Variants in MPRIP observed in about 807,000 individuals in gnomAD.
The protein encoded by MPRIP is myosin phosphatase Rho-interacting protein.
A neutral mutation model predicts 234.9 loss-of-function variants in MPRIP; 59 were observed. The observed-to-expected ratio is 0.25, with a 90% CI of 0.20 to 0.31. The LOEUF (loss-of-function observed/expected upper bound fraction) is 0.31, where lower values mean the gene tolerates loss of function less well. Among genes scored for constraint, MPRIP ranks in the 10% least tolerant of loss-of-function variants. MPRIP has a pLI of 1.00. For missense variants in MPRIP, 2,436 were observed against 3,071.0 expected, an observed-to-expected ratio of 0.79 and a Z score of 4.89; for synonymous variants, 1,144 against 1,263.9, an observed-to-expected ratio of 0.91 and a Z score of 2.01.
intron 3 of MPRIP, among the ~76,000 whole-genome samples, chr17:17,103,310 C>T (rs2090000071): frequency 6.6e-6 from 1 of 152,210 alleles, no homozygotes; most frequent in South Asian, 2.1e-4. Context: ...CTGGCCCTGT[C>T]CCCAGCCATG....
rs531172991 is a variant in MPRIP at position 17,172,986 on chromosome 17, C to T, written c.6590+171C>T. Among the ~76,000 whole-genome samples the T allele has an allele frequency of 1.0e-3, 159 of 152,370 alleles. 6 individuals are homozygous for T. The South Asian group carries it at 0.031, about 30-fold the overall frequency. ...CTCTTGTCCAGTGCAGGATATGGCC[C>T]AAGTGGGGCCTCCTTTATTCAGAGA... On this transcript the variant is annotated intron_variant, in intron 18 of 23. Coordinates refer to ENST00000651222, the MANE Select transcript of MPRIP (RefSeq NM_001364716.4).
intron 7 of MPRIP, 50 bp from the exon 8 acceptor site, chr17:17,142,577 C>G: frequency 6.3e-7 from 1 of 1,599,228 alleles, no homozygotes; most frequent in Non-Finnish European, 8.5e-7. Context: ...TCACTGCCAC[C>G]TCACAGCTCA....
At chr17:17,172,643 C>G in intron 17 of MPRIP, 55 bp from the exon 18 acceptor site, 1 of 1,440,634 alleles carries the variant, frequency 6.9e-7, no homozygotes, top group Non-Finnish European at 9.7e-7. Context: ...ACCCCCACCC[C>G]TGTCAGCAGG....
chr17:17,176,027 C>A (rs768169655), intron 20 of MPRIP, among the ~76,000 whole-genome samples: 1 of 152,136 alleles, frequency 6.6e-6, no homozygotes, highest in Non-Finnish European at 1.5e-5. Flanking sequence ...GGTGTTGGGC[C>A]GCTGTCTGCT....
chr17:17,160,845 G>C (rs2045847256), intron 14 of MPRIP, among the ~76,000 whole-genome samples: 1 of 152,318 alleles, frequency 6.6e-6, no homozygotes, highest in African/African-American at 2.4e-5. Flanking sequence ...GCTTCCTCCA[G>C]ATGCAGATGC....
intron 3 of MPRIP, among the ~76,000 whole-genome samples, chr17:17,096,233 T>G (rs2089836168): frequency 6.6e-6 from 1 of 151,866 alleles, no homozygotes; most frequent in South Asian, 2.1e-4. Flanking sequence ...TGGGTCATAT[T>G]GTTGGTCTGG....
Position 17,164,693 on chromosome 17 carries a change from G to A in MPRIP, c.3102G>A (p.Gln1034=), listed in dbSNP as rs2045944270. ...TGGAGAGCTGTGAGAAGGAGAAGCA[G>A]GCATTGCTGCAGAACCTAAAGGAAG... The part of the protein sequence containing the change: ...LLLESCEKEK[Q]ALLQNLKEVE... The change falls in exon 16 of 24, where the codon CAG becomes CAA. Residue 1034 remains glutamine, a synonymous_variant. Coordinates refer to ENST00000651222, the MANE Select transcript of MPRIP (RefSeq NM_001364716.4). 1.6e-6 allele frequency: 2 copies of A among 1,271,890 alleles called. No homozygotes were observed. The highest frequency in any genetic ancestry group is 2.0e-6 in the Non-Finnish European group (2 of 976,078). The allele number at this position is 1,271,890 out of a possible 1,614,324, so 78.8% of individuals were successfully genotyped here.
chr17:17,151,041 T>TATTATTATTATTATC (rs1163474661), intron 12 of MPRIP, among the ~76,000 whole-genome samples: 59 of 149,974 alleles, frequency 3.9e-4, no homozygotes, highest in African/African-American at 1.4e-3. Context: ...TTATTATTAT[T>TATTATTATTATTATC]ATCATTATTT....
chr17:17,111,778 G>T (rs1213828333), intron 3 of MPRIP, among the ~76,000 whole-genome samples: 2 of 152,100 alleles, frequency 1.3e-5, no homozygotes, highest in African/African-American at 4.8e-5. Context: ...TGTGATGTCT[G>T]GTCAGACCTG....
At chr17:17,128,737 C>T (rs765491466) in intron 4 of MPRIP, among the ~76,000 whole-genome samples, 14 of 152,196 alleles carry the variant, frequency 9.2e-5, no homozygotes, top group Admixed American at 3.3e-4. Context: ...CTCACCTTCC[C>T]ACAAGCTGGG....
chr17:17,123,459 T>G (rs910950393), intron 3 of MPRIP, among the ~76,000 whole-genome samples: 3 of 152,104 alleles, frequency 2.0e-5, no homozygotes, highest in Non-Finnish European at 4.4e-5. Context: ...TGTCAGGAGT[T>G]CGAGACCAGC....
chr17:17,046,006 T>A (rs2088337575), intron 1 of MPRIP, among the ~76,000 whole-genome samples: 1 of 152,230 alleles, frequency 6.6e-6, no homozygotes, highest in East Asian at 1.9e-4. Flanking sequence ...GAGGTTTCAC[T>A]GTGTTAGCCA....
chr17:17,158,395 G>GC, intron 13 of MPRIP, 37 bp from the exon 14 acceptor site: 1 of 1,511,770 alleles, frequency 6.6e-7, no homozygotes, highest in Non-Finnish European at 8.9e-7. Context: ...CACCAGAGCC[G>GC]CCCCTGACAG....
At chr17:17,043,668 G>C (rs896959589) in intron 1 of MPRIP, among the ~76,000 whole-genome samples, 6 of 152,194 alleles carry the variant, frequency 3.9e-5, no homozygotes, top group Non-Finnish European at 5.9e-5. Context: ...TAAACACAGA[G>C]TTCTGGGGCC....
intron 3 of MPRIP, among the ~76,000 whole-genome samples, chr17:17,113,116 C>G (rs2090206642): frequency 6.6e-6 from 1 of 152,134 alleles, no homozygotes; most frequent in Non-Finnish European, 1.5e-5. Flanking sequence ...GCTGCCCTTG[C>G]AGACGGCTCC....
intron 5 of MPRIP, among the ~76,000 whole-genome samples, chr17:17,135,831 A>G (rs977507529): frequency 2.0e-5 from 3 of 152,190 alleles, no homozygotes; most frequent in Non-Finnish European, 2.9e-5. Flanking sequence ...TTTCCTTCAC[A>G]TAGCGTCTGG....
chr17:17,129,337 G>T (rs1214001944), intron 4 of MPRIP, among the ~76,000 whole-genome samples: 1 of 152,122 alleles, frequency 6.6e-6, no homozygotes, highest in Non-Finnish European at 1.5e-5. Context: ...TATCCGGGGA[G>T]CCCCAGCACC....
chr17:17,060,699 G>A (rs1404597081), intron 1 of MPRIP, among the ~76,000 whole-genome samples: 1 of 152,214 alleles, frequency 6.6e-6, no homozygotes, highest in Non-Finnish European at 1.5e-5. Flanking sequence ...TGGTGAGCAG[G>A]TGTTCTCCCT....
chr17:17,175,318 A>C lies in MPRIP; in HGVS notation c.6776A>C (p.Glu2259Ala), dbSNP rs781083311. 1 of 1,613,608 alleles carries C rather than the reference A, an allele frequency of 6.2e-7. No homozygotes were observed. Among genetic ancestry groups the C allele is most frequent in the Non-Finnish European group, 8.5e-7 (1 of 1,180,024 alleles). ...NQELNNRLAA[E>A]ITRLRTLLTG... ...GAGCTGAACAACCGCCTGGCTGCAG[A>C]GATCACACGGTTGCGGACGCTGCTG... The change falls in exon 20 of 24, where the codon GAG (glutamate) becomes GCG (alanine). Residue 2259 changes from glutamate (E) to alanine (A), a missense_variant. Glu to Ala is a moderately radical substitution (Grantham distance 107, BLOSUM62 -1). Around this residue, in one of 4 missense-constraint regions of MPRIP, gnomAD observed 1,998 missense variants for 2,520.3 expected, o/e 0.79. Coordinates refer to ENST00000651222, the MANE Select transcript of MPRIP (RefSeq NM_001364716.4).
Sources: allele counts gnomAD v4.1 joint callset (sites outside exome capture counted in the v4.1 genomes callset), GRCh38; gene constraint gnomAD v4.1.1; regional missense constraint gnomAD v4.1.1; transcripts MANE v1.5; gene names NCBI Gene and HGNC (gene_info 2026-07-23, HGNC 2026-07-21).